The following SLC7A5 variants were observed in gnomAD, a reference collection of about 807,000 sequenced individuals.
SLC7A5 encodes large neutral amino acids transporter small subunit 1.
SLC7A5 carries 23 observed loss-of-function variants against 50.2 expected under a neutral mutation model. The observed-to-expected ratio is 0.46, with a 90% CI of 0.33 to 0.65. The LOEUF (loss-of-function observed/expected upper bound fraction) is 0.65. Among genes scored for constraint, SLC7A5 ranks in the 30% least tolerant of loss-of-function variants. SLC7A5 has a pLI of 0.02. For missense variants in SLC7A5, 578 were observed against 684.4 expected, an observed-to-expected ratio of 0.84 and a Z score of 1.73; for synonymous variants, 393 against 330.6, an observed-to-expected ratio of 1.19 and a Z score of -2.05.
At chr16:87,845,007 G>T (rs2055132535) in intron 2 of SLC7A5, among the ~76,000 whole-genome samples, 1 of 152,226 alleles carries the variant, frequency 6.6e-6, no homozygotes, top group Admixed American at 6.5e-5. Context: ...AGATCCAGGG[G>T]AGACAGAGCC....
At chr16:87,850,441 C>A (rs1160206039) in intron 2 of SLC7A5, among the ~76,000 whole-genome samples, 1 of 152,236 alleles carries the variant, frequency 6.6e-6, no homozygotes, top group Non-Finnish European at 1.5e-5. Flanking sequence ...CTACCTGCCT[C>A]CCCTACAGCC....
In SLC7A5 at chr16:87,869,384, C is replaced by G. The variant is rs1242622725; in HGVS notation, c.39G>C (p.Ala13=). 2 of 1,580,836 alleles carry G rather than the reference C, an allele frequency of 1.3e-6. No individual in the cohort carries two copies. Among genetic ancestry groups the G allele is most frequent in the Non-Finnish European group, 1.7e-6 (2 of 1,168,276 alleles). The change falls in exon 1 of 10, where the codon GCG becomes GCC. Residue 13 remains alanine (A), a synonymous_variant. Transcript: ENST00000261622. ...GAGPKRRALA[A]PAAEEKEEAR... ...CCTCTTCCTTCTCCTCGGCCGCCGG[C>G]GCCGCTAGCGCGCGCCGCTTCGGGC...
chr16:87,858,649 C>T (rs2055350242), intron 1 of SLC7A5, among the ~76,000 whole-genome samples: 1 of 152,096 alleles, frequency 6.6e-6, no homozygotes, highest in Admixed American at 6.6e-5. Flanking sequence ...TCCAGGTCTC[C>T]TAAATCTCAC....
rs963079554 is a variant in SLC7A5, at chr16:87,833,503, G to T, written c.1469-478C>A. On this transcript the variant is annotated intron_variant, in intron 9 of 9. Transcript: ENST00000261622. This position sits in a 1 kb window ranked among gnomAD's most constrained non-coding sequence, Gnocchi z 6.0. ...CTACAGAGACATCACTCTGTGGAGG[G>T]GGACTGCTTTCAGGATAGAGACGGG... Among the ~76,000 whole-genome samples, 2 of 152,190 alleles carry T rather than the reference G, an allele frequency of 1.3e-5. No homozygotes were observed. The highest frequency in any genetic ancestry group is 4.8e-5 in the African/African-American group (2 of 41,442).
rs1168599505 is a variant in SLC7A5 at position 87,863,985 on chromosome 16, A to AT, written c.538+4899_538+4900insA. On this transcript the variant is annotated intron_variant, in intron 1 of 9. Coordinates refer to ENST00000261622, the MANE Select transcript of SLC7A5 (RefSeq NM_003486.7). ...CCCAACCTTATGTGTGATCATTTAAAAATATATATATATATATATATATCA... is the reference window on the plus strand; with the variant it reads ...CCCAACCTTATGTGTGATCATTTAAATAATATATATATATATATATATATCA... Among the ~76,000 whole-genome samples the AT allele has an allele frequency of 4.3e-4, 45 of 103,472 alleles. 1 individual carries two copies. Among genetic ancestry groups the AT allele is most frequent in the South Asian group, 1.3e-3 (4 of 3,022 alleles). The allele number at this position is 103,472 out of a possible 152,430, so 67.9% of individuals were successfully genotyped here.
chr16:87,858,095 C>G (rs2055343154), intron 1 of SLC7A5, among the ~76,000 whole-genome samples: 1 of 152,124 alleles, frequency 6.6e-6, no homozygotes, highest in Non-Finnish European at 1.5e-5. Flanking sequence ...AGGAGACCCC[C>G]AGGGCTGACA....
At chr16:87,835,450 C>A (rs2054987186) in intron 8 of SLC7A5, among the ~76,000 whole-genome samples, 1 of 152,226 alleles carries the variant, frequency 6.6e-6, no homozygotes, top group Admixed American at 6.5e-5. Flanking sequence ...TCTCTTGGGG[C>A]AGCATCTGGG....
intron 1 of SLC7A5, among the ~76,000 whole-genome samples, chr16:87,866,939 CTT>C (rs1171244210): frequency 2.1e-5 from 3 of 145,230 alleles, no homozygotes; most frequent in Non-Finnish European, 1.5e-5. Flanking sequence ...CCAGGGGCTG[CTT>C]TTTTTTTTTT....
chr16:87,861,080 C>T lies in SLC7A5; in HGVS notation c.538+7805G>A, dbSNP rs1246129295. On this transcript the variant is annotated intron_variant, in intron 1 of 9. Coordinates refer to ENST00000261622, the MANE Select transcript of SLC7A5 (RefSeq NM_003486.7). This position sits in a 1 kb window ranked among gnomAD's most constrained non-coding sequence, Gnocchi z 4.2. Reference sequence around the variant, plus strand: ...GTGCTGCCACAGGGCCTCTGGGGAGCGTGCGGGCACACAGTACCAATCTGC... The same window carrying T: ...GTGCTGCCACAGGGCCTCTGGGGAGTGTGCGGGCACACAGTACCAATCTGC... Among the ~76,000 whole-genome samples, 2 of 152,190 alleles carry T rather than the reference C, an allele frequency of 1.3e-5. No homozygotes were observed. The highest frequency in any genetic ancestry group is 2.9e-5 in the Non-Finnish European group (2 of 68,024).
At chr16:87,864,864 C>T (rs1470036081) in intron 1 of SLC7A5, among the ~76,000 whole-genome samples, 1 of 152,172 alleles carries the variant, frequency 6.6e-6, no homozygotes, top group Admixed American at 6.5e-5. Context: ...TAAGATTATG[C>T]GAGTAAACAA....
At chr16:87,867,154 G>A (rs535275419) in intron 1 of SLC7A5, among the ~76,000 whole-genome samples, 32 of 152,102 alleles carry the variant, frequency 2.1e-4, no homozygotes, top group Middle Eastern at 3.4e-3. Flanking sequence ...TCCTGACCTC[G>A]GTAGATCCGC....
rs774783441 is a variant in SLC7A5 at position 87,839,762 on chromosome 16, G to C, written c.879C>G (p.Asn293Lys). 6.2e-7 allele frequency: 1 copy of C among 1,613,974 alleles called. No individual in the cohort carries two copies. Among genetic ancestry groups the C allele is most frequent in the Admixed American group, 1.7e-5 (1 of 60,020 alleles). ...PIVTLVYVLT[N>K]LAYFTTLSTE... ...TGGACAGGGTGGTGAAGTAGGCCAG[G>C]TTGGTCAGCACGTACACCAGCGTCA... Residue 293 changes from asparagine to lysine, a missense_variant, in exon 5 of 10, where the codon AAC (asparagine) becomes AAG (lysine). Asn to Lys is a moderately conservative substitution (Grantham distance 94, BLOSUM62 0). Around this residue, in one of 2 missense-constraint regions of SLC7A5, gnomAD observed 465 missense variants for 594.6 expected, o/e 0.78. Transcript: ENST00000261622.
rs1262663636 is a variant in SLC7A5, at chr16:87,861,321, C to T, written c.538+7564G>A. ...GGGGAACACAGATGAGCCTCTGACC[C>T]ACCTGTGTCCTTACCTGGGCCGACT... is the stretch of plus-strand genomic sequence containing the variant. On this transcript the variant is annotated intron_variant, in intron 1 of 9. Coordinates refer to ENST00000261622, the MANE Select transcript of SLC7A5 (RefSeq NM_003486.7). This position sits in a 1 kb window ranked among gnomAD's most constrained non-coding sequence, Gnocchi z 4.2. Among the ~76,000 whole-genome samples, 6 of 152,128 alleles carry T rather than the reference C, an allele frequency of 3.9e-5. No homozygotes were observed. Among genetic ancestry groups the T allele is most frequent in the Admixed American group, 2.0e-4 (3 of 15,282 alleles).
intron 1 of SLC7A5, among the ~76,000 whole-genome samples, chr16:87,859,866 G>C (rs2055367380): frequency 6.6e-6 from 1 of 151,876 alleles, no homozygotes; most frequent in Admixed American, 6.6e-5. Context: ...GCTTGAACCG[G>C]GTTGCAGTGA....
intron 1 of SLC7A5, among the ~76,000 whole-genome samples, chr16:87,863,315 C>T (rs1312234496): frequency 1.3e-5 from 2 of 152,154 alleles, no homozygotes; most frequent in Non-Finnish European, 2.9e-5. Context: ...AGTGCCGGGC[C>T]ACAGTGGACC....
At chr16:87,857,386 C>T (rs1169873559) in intron 1 of SLC7A5, among the ~76,000 whole-genome samples, 1 of 152,200 alleles carries the variant, frequency 6.6e-6, no homozygotes, top group Non-Finnish European at 1.5e-5. Context: ...TCAAGTGATT[C>T]TCCTGCCTCA....
chr16:87,858,167 T>A (rs1239971449), intron 1 of SLC7A5, among the ~76,000 whole-genome samples: 1 of 152,230 alleles, frequency 6.6e-6, no homozygotes, highest in Non-Finnish European at 1.5e-5. Context: ...AAATGCTGTG[T>A]GAACTCCGGC....
At chr16:87,866,078 G>A (rs976834795) in intron 1 of SLC7A5, among the ~76,000 whole-genome samples, 12 of 148,300 alleles carry the variant, frequency 8.1e-5, no homozygotes, top group African/African-American at 1.7e-4. Context: ...AACCCCAAAT[G>A]CCCTCCACAG....
intron 8 of SLC7A5, among the ~76,000 whole-genome samples, chr16:87,834,948 A>T (rs2054979778): frequency 6.6e-6 from 1 of 152,244 alleles, no homozygotes; most frequent in Non-Finnish European, 1.5e-5. Flanking sequence ...TCCAGGAGAC[A>T]GTGGCCACCC....
Sources: gnomAD v4.1 joint callset for allele counts (sites outside exome capture counted in the v4.1 genomes callset) on GRCh38, gnomAD v4.1.1 for gene constraint, gnomAD v4.1.1 regional missense constraint, Gnocchi (gnomAD v3.1) non-coding constraint, MANE v1.5 for transcripts, NCBI Gene and HGNC (gene_info 2026-07-23, HGNC 2026-07-21) for gene names.